ESS2: variants seen among roughly 807,000 people sequenced by gnomAD.
ESS2 encodes the protein ess-2 spliceosome associated protein.
ESS2 carries 31 observed loss-of-function variants against 52.0 expected under a neutral mutation model. The ratio of observed to expected loss-of-function variants is 0.60; its 90% CI spans 0.45 to 0.81. The LOEUF is 0.81. Ranked by LOEUF, ESS2 falls within the 30% of genes least tolerant of loss-of-function variation. The pLI, the probability that ESS2 is intolerant of heterozygous loss-of-function variation, is 0.00. For synonymous variants in ESS2, 285 were observed against 259.2 expected, an observed-to-expected ratio of 1.10 and a Z score of -0.95; for missense variants, 602 against 637.2, an observed-to-expected ratio of 0.94 and a Z score of 0.59.
intron 8 of ESS2, 25 bp downstream of exon 8, chr22:19,137,298 C>T: frequency 6.4e-7 from 1 of 1,571,624 alleles, no homozygotes; most frequent in Non-Finnish European, 8.7e-7. Context: ...CGGTCGCACA[C>T]AGTTCCCCCA....
chr22:19,144,312 GACA>G, intron 1 of ESS2, 191 bp downstream of exon 1: 7 of 1,355,944 alleles, frequency 5.2e-6, no homozygotes, highest in Non-Finnish European at 6.7e-6. Context: ...TCTTTTCCCT[GACA>G]ACACTACTAC....
chr22:19,138,486 C>A, intron 6 of ESS2, 169 bp from the exon 7 acceptor site: 1 of 742,860 alleles, frequency 1.3e-6, no homozygotes. Flanking sequence ...GCCCCTGCCC[C>A]AACCCCCCAA....
At chr22:19,144,048 C>G in intron 1 of ESS2, 1 of 996,936 alleles carries the variant, frequency 1.0e-6, no homozygotes, top group Non-Finnish European at 1.2e-6. Context: ...GGTCTAAAAC[C>G]AAACTGACTT....
At position 19,142,794 on chromosome 22, in the gene ESS2, C is replaced by G. The variant is rs144603309; in HGVS notation, c.236G>C (p.Arg79Pro). 1.2e-6 allele frequency: 2 copies of G among 1,614,166 alleles called. No individual in the cohort carries two copies. The highest frequency in any genetic ancestry group is 1.7e-6 in the Non-Finnish European group (2 of 1,180,052). The change falls in exon 2 of 10, where the codon CGG (arginine) becomes CCG (proline). Residue 79 changes from arginine to proline, a missense_variant. Arg to Pro is a moderately radical substitution (Grantham distance 103). Transcript: ENST00000252137. Reference sequence around the variant, plus strand: ...AAACTTGATGGCAATCTGGCGCATCCGTTCCAAGTCTCCATTCTCCTCGGC... The same window carrying G: ...AAACTTGATGGCAATCTGGCGCATCGGTTCCAAGTCTCCATTCTCCTCGGC... ...LEAEENGDLE[R>P]MRQIAIKFGS...
rs1449988773 is a variant in ESS2, at chr22:19,142,901, GGA to G, written c.136-9_136-8del. 4 of 1,609,976 alleles carry G rather than the reference GGA, an allele frequency of 2.5e-6. No homozygotes were observed. The highest frequency in any genetic ancestry group is 3.4e-6 in the Non-Finnish European group (4 of 1,178,278). The stretch of plus-strand genomic sequence containing the variant: ...GGATGACCGTCTGGAGGCCCTGCAA[GGA>G]GAGATCAGAATGAAAGTCAGAGGCC... On this transcript the variant is annotated splice_polypyrimidine_tract_variant and splice_region_variant and intron_variant, in intron 1 of 9. Transcript: ENST00000252137.
intron 3 of ESS2, among the ~76,000 whole-genome samples, chr22:19,141,861 C>T (rs1368075394): frequency 2.6e-5 from 4 of 152,028 alleles, no homozygotes; most frequent in African/African-American, 4.8e-5. Context: ...TGGTGGCAGG[C>T]GCCTGTAATC....
chr22:19,139,990 C>A lies in ESS2; in HGVS notation c.435G>T (p.Leu145=). ...GGCTCAGGAAGACATCTAGGCTGGGCAGCGGCTCCTTCTCCTCCTCCTCTC... is the reference window on the plus strand; with the variant it reads ...GGCTCAGGAAGACATCTAGGCTGGGAAGCGGCTCCTTCTCCTCCTCCTCTC... ...EAGEEEEKEP[L]PSLDVFLSRY... Residue 145 remains leucine (L), a synonymous_variant, in exon 4 of 10, where the codon CTG becomes CTT. Coordinates refer to ENST00000252137, the MANE Select transcript of ESS2 (RefSeq NM_022719.3). The A allele has an allele frequency of 2.5e-6, 4 of 1,613,976 alleles. No homozygotes were observed. The highest frequency in any genetic ancestry group is 3.4e-6 in the Non-Finnish European group (4 of 1,180,016).
At chr22:19,144,106 C>T in intron 1 of ESS2, 1 of 1,013,686 alleles carries the variant, frequency 9.9e-7, no homozygotes, top group Non-Finnish European at 1.2e-6. Context: ...TGTGGTGGGG[C>T]GACGCAGGTC....
chr22:19,133,304 C>T lies in ESS2; in HGVS notation c.*892G>A, dbSNP rs1486045543. On this transcript the variant is annotated 3_prime_UTR_variant, in exon 10 of 10. Transcript: ENST00000252137. ...CTCCTCCCCCCTCCCTCCCCACTTC[C>T]TGGGGGCTCCCTTGGGATAACGTGC... The T allele has an allele frequency of 6.6e-6, 1 of 152,466 alleles. No homozygotes were observed. Among genetic ancestry groups the T allele is most frequent in the Admixed American group, 6.5e-5 (1 of 15,288 alleles). 9.4% of individuals were successfully genotyped at this position (152,466 alleles called of 1,614,324 possible).
At chr22:19,134,992 G>C in intron 9 of ESS2, 68 bp downstream of exon 9, 4 of 1,488,094 alleles carry the variant, frequency 2.7e-6, no homozygotes, top group Non-Finnish European at 3.7e-6. Flanking sequence ...ACACGGTCAG[G>C]GCAGGGGCCG....
At position 19,131,909 on chromosome 22, in the gene ESS2, C is replaced by T. The variant is rs2083511940; in HGVS notation, c.*2287G>A. The stretch of plus-strand genomic sequence containing the variant: ...TGCGGGACAGCAATGGGCGCATCAT[C>T]CTCAGCAAGACCTTCTGCGGGTCGG... On this transcript the variant is annotated 3_prime_UTR_variant, in exon 10 of 10. Coordinates refer to ENST00000252137, the MANE Select transcript of ESS2 (RefSeq NM_022719.3). This position sits in a 1 kb window ranked among gnomAD's most constrained non-coding sequence, Gnocchi z 5.7. 1 of 1,614,002 alleles carries T rather than the reference C, an allele frequency of 6.2e-7. No homozygotes were observed. Among genetic ancestry groups the T allele is most frequent in the Admixed American group, 1.7e-5 (1 of 60,004 alleles).
rs942829099 is a variant in ESS2 at position 19,133,522 on chromosome 22, G to A, written c.*674C>T. On this transcript the variant is annotated 3_prime_UTR_variant, in exon 10 of 10. Transcript: ENST00000252137. Reference sequence around the variant, plus strand: ...GGTGAGTGGGATAGTCCCACCCCATGAGCTGGAAGCCAGGTGCTGGGAGAA... The same window carrying A: ...GGTGAGTGGGATAGTCCCACCCCATAAGCTGGAAGCCAGGTGCTGGGAGAA... The A allele has an allele frequency of 3.9e-5, 6 of 152,374 alleles. No individual in the cohort carries two copies. The highest frequency in any genetic ancestry group is 1.4e-4 in the African/African-American group (6 of 41,430). 9.4% of individuals were successfully genotyped at this position (152,374 alleles called of 1,614,324 possible). A position where few individuals can be genotyped will look rare whatever the true frequency, so the allele number is the denominator to read the frequency against.
chr22:19,142,876 G>C lies in ESS2; in HGVS notation c.154C>G (p.Gln52Glu), dbSNP rs1300151959. Residue 52 changes from glutamine to glutamate, a missense_variant, in exon 2 of 10, where the codon CAA becomes GAA. Transcript: ENST00000252137. ...EYIEGLQTVI[Q>E]RDFFPDVEKL... ...TCCACATCAGGAAAGAAATCCCTTT[G>C]GATGACCGTCTGGAGGCCCTGCAAG... is the stretch of plus-strand genomic sequence containing the variant. 1 of 1,613,786 alleles carries C rather than the reference G, an allele frequency of 6.2e-7. No individual in the cohort carries two copies.
At position 19,131,867 on chromosome 22, in the gene ESS2, C is replaced by T. The variant is rs752323315; in HGVS notation, c.*2329G>A. 24 of 1,614,050 alleles carry T rather than the reference C, an allele frequency of 1.5e-5. No homozygotes were observed. The highest frequency in any genetic ancestry group is 2.0e-5 in the Non-Finnish European group (24 of 1,180,032). ...TCAACATCAAGCTGTCTGACTTTGG[C>T]TTCTCCAAGCGCTGCCTGCGGGACA... On this transcript the variant is annotated 3_prime_UTR_variant, in exon 10 of 10. Transcript: ENST00000252137. This position sits in a 1 kb window ranked among gnomAD's most constrained non-coding sequence, Gnocchi z 5.7.
intron 1 of ESS2, chr22:19,143,977 C>T (rs547231361): frequency 5.1e-4 from 483 of 954,080 alleles, no homozygotes; most frequent in Non-Finnish European, 5.8e-4. Context: ...CATATCTGGG[C>T]ACCCAACCGT....
In ESS2 at chr22:19,132,094, G is replaced by A. The variant is rs747219768; in HGVS notation, c.*2102C>T. 3.7e-6 allele frequency: 6 copies of A among 1,613,142 alleles called. No individual in the cohort carries two copies. Among genetic ancestry groups the A allele is most frequent in the East Asian group, 2.2e-5 (1 of 44,868 alleles). ...ATGCTGCGTATCCAGAAGGAGCACC[G>A]TGTGGACTTCCCGCGCTCCAAGAAC... On this transcript the variant is annotated 3_prime_UTR_variant, in exon 10 of 10. Transcript: ENST00000252137. The surrounding 1 kb of genome is among the most constrained non-coding windows in gnomAD (Gnocchi z 4.2).
At chr22:19,137,700 G>A in intron 7 of ESS2, 2 of 979,952 alleles carry the variant, frequency 2.0e-6, no homozygotes, top group Non-Finnish European at 2.4e-6. Flanking sequence ...AGCCACGCAG[G>A]AGGAGACACT....
chr22:19,139,716 T>A lies in ESS2; in HGVS notation c.584A>T (p.Asn195Ile). ...GTGCTCTGCTGACGGGAGTTCGAGA[T>A]TATCTTTCTGCCTCTGCAATCACAT... is the stretch of plus-strand genomic sequence containing the variant. ...EEEFEKRQKD[N>I]LELPSAEHQA... The change falls in exon 5 of 10, where the codon AAT (asparagine) becomes ATT (isoleucine). Residue 195 changes from asparagine to isoleucine, a missense_variant. By Grantham distance (149) the Asn-to-Ile change is moderately radical. Coordinates refer to ENST00000252137, the MANE Select transcript of ESS2 (RefSeq NM_022719.3). The A allele has an allele frequency of 6.2e-7, 1 of 1,614,122 alleles. No homozygotes were observed. The highest frequency in any genetic ancestry group is 1.1e-5 in the South Asian group (1 of 91,076).
rs767107105 is a variant in ESS2 at position 19,140,040 on chromosome 22, G to A, written c.401-16C>T. 1.7e-5 allele frequency: 27 copies of A among 1,612,318 alleles called. No individual in the cohort carries two copies. The highest frequency in any genetic ancestry group is 1.3e-4 in the East Asian group (6 of 44,882). On this transcript the variant is annotated splice_polypyrimidine_tract_variant and intron_variant, in intron 3 of 9. Transcript: ENST00000252137. ...CCAGCCTCTCCTGCTTAGGGGTTGC[G>A]GGAGGAGGAACACAGCACCCTTTGC...
Sources: allele counts gnomAD v4.1 joint callset (sites outside exome capture counted in the v4.1 genomes callset), GRCh38; gene constraint gnomAD v4.1.1; non-coding constraint Gnocchi (gnomAD v3.1); transcripts MANE v1.5; gene names NCBI Gene and HGNC (gene_info 2026-07-23, HGNC 2026-07-21).